The following ZNF532 variants were observed in gnomAD, a reference collection of about 807,000 sequenced individuals.
The protein encoded by ZNF532 is zinc finger protein 532.
A neutral mutation model predicts 89.3 loss-of-function variants in ZNF532; 22 were observed. The ratio of observed to expected loss-of-function variants is 0.25; its 90% CI spans 0.18 to 0.35. The LOEUF is 0.35. Among genes scored for constraint, ZNF532 ranks in the 10% least tolerant of loss-of-function variants. The pLI is 1.00. For synonymous variants in ZNF532, 606 were observed against 649.6 expected, an observed-to-expected ratio of 0.93 and a Z score of 1.02; for missense variants, 1,132 against 1,643.4, an observed-to-expected ratio of 0.69 and a Z score of 5.38.
intron 7 of ZNF532, among the ~76,000 whole-genome samples, chr18:58,960,711 CAGTGT>C (rs1297143428): frequency 6.6e-6 from 1 of 152,136 alleles, no homozygotes; most frequent in Non-Finnish European, 1.5e-5. Flanking sequence ...CTGTTCTGTA[CAGTGT>C]AGTGCAGGAG....
intron 2 of ZNF532, among the ~76,000 whole-genome samples, chr18:58,869,741 T>C (rs539010885): frequency 4.0e-5 from 6 of 151,610 alleles, no homozygotes; most frequent in Non-Finnish European, 7.4e-5. Context: ...GAAGATTTGT[T>C]TGGAAGATTT....
chr18:58,886,643 T>C (rs910875889), intron 2 of ZNF532, among the ~76,000 whole-genome samples: 2 of 152,218 alleles, frequency 1.3e-5, no homozygotes, highest in Non-Finnish European at 2.9e-5. Context: ...TTATGTACCA[T>C]TGTCATGGAT....
intron 8 of ZNF532, 184 bp downstream of exon 8, chr18:58,979,351 A>AAAT (rs111457862): frequency 1.7e-5 from 7 of 403,324 alleles, no homozygotes; most frequent in South Asian, 8.0e-5. Context: ...GAAAATAAAA[A>AAAT]AAAAAGGAGC....
chr18:58,870,262 G>A (rs1444247653), intron 2 of ZNF532, among the ~76,000 whole-genome samples: 1 of 152,168 alleles, frequency 6.6e-6, no homozygotes, highest in African/African-American at 2.4e-5. Context: ...GCACAGGAGT[G>A]CAGAGGGAAA....
At chr18:58,901,710 C>T (rs987460779) in intron 2 of ZNF532, among the ~76,000 whole-genome samples, 1 of 152,264 alleles carries the variant, frequency 6.6e-6, no homozygotes, top group East Asian at 1.9e-4. Flanking sequence ...GGTGGAGTCA[C>T]CAGTTAGCAT....
At chr18:58,972,297 C>T (rs1043191037) in intron 7 of ZNF532, among the ~76,000 whole-genome samples, 1 of 152,082 alleles carries the variant, frequency 6.6e-6, no homozygotes, top group East Asian at 1.9e-4. Context: ...TAATATAGAT[C>T]GGTTTTAGAA....
At chr18:58,982,089 G>T (rs986807588) in intron 9 of ZNF532, among the ~76,000 whole-genome samples, 1 of 151,350 alleles carries the variant, frequency 6.6e-6, no homozygotes, top group Admixed American at 6.6e-5. Context: ...CTCATCATCA[G>T]GAGTTCGAGA....
At chr18:58,935,126 CCA>C (rs2062281701) in intron 4 of ZNF532, among the ~76,000 whole-genome samples, 2 of 117,976 alleles carry the variant, frequency 1.7e-5, no homozygotes, top group East Asian at 2.7e-4. Context: ...CTCCTCCTCC[CCA>C]CTCCTCCTCC....
chr18:58,970,668 A>G (rs2066386144), intron 7 of ZNF532, among the ~76,000 whole-genome samples: 1 of 152,240 alleles, frequency 6.6e-6, no homozygotes, highest in African/African-American at 2.4e-5. Flanking sequence ...CGGCTTTCTA[A>G]TGAGGATTAA....
chr18:58,959,367 G>A (rs1229610478), intron 7 of ZNF532, among the ~76,000 whole-genome samples: 1 of 149,366 alleles, frequency 6.7e-6, no homozygotes, highest in Admixed American at 6.8e-5. Flanking sequence ...CCGCCTCCCA[G>A]GCTTAAGCAG....
intron 5 of ZNF532, among the ~76,000 whole-genome samples, chr18:58,946,106 A>C (rs1282820113): frequency 6.6e-6 from 1 of 152,198 alleles, no homozygotes; most frequent in Admixed American, 6.5e-5. Context: ...AAGCAATAAA[A>C]ATACATATAC....
intron 2 of ZNF532, among the ~76,000 whole-genome samples, chr18:58,883,757 C>T (rs1162808080): frequency 6.6e-6 from 1 of 152,072 alleles, no homozygotes; most frequent in Admixed American, 6.5e-5. Context: ...CCTCTACCCA[C>T]TATATGCCAA....
Position 58,953,769 on chromosome 18 carries a change from C to T in ZNF532, c.3120C>T (p.Tyr1040=), listed in dbSNP as rs1452360749. ...CDCLFMQRDV[Y]ISHVRKEHGK... ...GCCTGTTCATGCAGAGAGATGTGTACATATCCCACGTGAGGAAGGAGCACG... is the reference window on the plus strand; with the variant it reads ...GCCTGTTCATGCAGAGAGATGTGTATATATCCCACGTGAGGAAGGAGCACG... The change falls in exon 7 of 10, where the codon TAC becomes TAT. Residue 1040 remains tyrosine (Y), a synonymous_variant. Coordinates refer to ENST00000591808, the MANE Select transcript of ZNF532 (RefSeq NM_001375912.1). The T allele has an allele frequency of 6.2e-7, 1 of 1,613,676 alleles. No homozygotes were observed. Among genetic ancestry groups the T allele is most frequent in the East Asian group, 2.2e-5 (1 of 44,884 alleles).
At chr18:58,866,657 A>C (rs867076526) in intron 2 of ZNF532, among the ~76,000 whole-genome samples, 44 of 152,344 alleles carry the variant, frequency 2.9e-4, no homozygotes, top group East Asian at 3.9e-4. Flanking sequence ...GCTTTTCAGC[A>C]GTGCCGAGGA....
intron 2 of ZNF532, among the ~76,000 whole-genome samples, chr18:58,908,364 G>T (rs1477097257): frequency 6.6e-6 from 1 of 152,192 alleles, no homozygotes; most frequent in African/African-American, 2.4e-5. Context: ...TCAGGGAACT[G>T]TATGGATAGG....
chr18:58,976,527 AGAAAGATGACTTTC>A (rs1462959446), intron 7 of ZNF532, among the ~76,000 whole-genome samples: 1 of 150,022 alleles, frequency 6.7e-6, no homozygotes, highest in Non-Finnish European at 1.5e-5. Context: ...TCTTGCTTTT[AGAAAGATGACTTTC>A]AGTTGATTTT....
intron 3 of ZNF532, among the ~76,000 whole-genome samples, chr18:58,926,744 T>C (rs1325689305): frequency 1.3e-5 from 2 of 152,242 alleles, no homozygotes; most frequent in Non-Finnish European, 2.9e-5. Context: ...GACACGTTCA[T>C]CACTAATAAT....
intron 2 of ZNF532, among the ~76,000 whole-genome samples, chr18:58,870,437 G>A (rs1209484025): frequency 6.6e-6 from 1 of 152,308 alleles, no homozygotes; most frequent in East Asian, 1.9e-4. Flanking sequence ...TGCAGCACAC[G>A]TGGAAAGGTC....
chr18:58,962,207 C>T (rs1033115481), intron 7 of ZNF532, among the ~76,000 whole-genome samples: 1 of 150,488 alleles, frequency 6.6e-6, no homozygotes, highest in African/African-American at 2.5e-5. Flanking sequence ...GCCTGGATGA[C>T]AGAGCGAGAC....
Sources: allele counts gnomAD v4.1 joint callset (sites outside exome capture counted in the v4.1 genomes callset), GRCh38; gene constraint gnomAD v4.1.1; transcripts MANE v1.5; gene names NCBI Gene and HGNC (gene_info 2026-07-23, HGNC 2026-07-21).